Variants in TLL1 observed in about 807,000 individuals in gnomAD.
TLL1 encodes tolloid like 1, also known as tolloid-like protein 1.
A neutral mutation model predicts 128.2 loss-of-function variants in TLL1; 49 were observed. That is an observed-to-expected ratio of 0.38 (90% CI 0.30 to 0.48). TLL1 has a LOEUF of 0.48. Ranked by LOEUF, TLL1 falls within the 20% of genes least tolerant of loss-of-function variation. The probability of loss-of-function intolerance (pLI) is 0.96; values close to 1 mark genes in which losing one functional copy is unlikely to be tolerated. For missense variants in TLL1, 1,123 were observed against 1,242.0 expected, an observed-to-expected ratio of 0.90 and a Z score of 1.44; for synonymous variants, 454 against 418.8, an observed-to-expected ratio of 1.08 and a Z score of -1.03.
At chr4:165,940,915 G>T (rs1733978650) in intron 1 of TLL1, among the ~76,000 whole-genome samples, 1 of 151,912 alleles carries the variant, frequency 6.6e-6, no homozygotes, top group Non-Finnish European at 1.5e-5. Flanking sequence ...TCTACATTCT[G>T]CCATTTAGCT....
chr4:165,896,519 G>A (rs1731688558), intron 1 of TLL1, among the ~76,000 whole-genome samples: 1 of 120,920 alleles, frequency 8.3e-6, no homozygotes. Context: ...GTCTCACTCT[G>A]TCACCCAGAC....
intron 1 of TLL1, among the ~76,000 whole-genome samples, chr4:165,964,642 G>A (rs1041149730): frequency 1.4e-4 from 22 of 152,138 alleles, no homozygotes; most frequent in African/African-American, 4.3e-4. Flanking sequence ...TACAGTCAAG[G>A]CTAGGTGTGA....
intron 19 of TLL1, among the ~76,000 whole-genome samples, chr4:166,094,240 T>A (rs561586338): frequency 6.6e-6 from 1 of 152,260 alleles, no homozygotes; most frequent in South Asian, 2.1e-4. Context: ...GGTGATTAAT[T>A]TGCAGTTTCT....
rs562529165 is a variant in TLL1, at chr4:165,988,559, G to T, written c.170-822G>T. Among the ~76,000 whole-genome samples the T allele has an allele frequency of 3.9e-5, 6 of 152,140 alleles. 1 individual carries two copies. Among genetic ancestry groups the T allele is most frequent in the African/African-American group, 1.4e-4 (6 of 41,530 alleles). ...TAGGAGGACTACTAGAGTCTGGGAG[G>T]TTCAGGTTAAGTCTACAGTGAGCCG... is the stretch of plus-strand genomic sequence containing the variant. On this transcript the variant is annotated intron_variant, in intron 1 of 20. Coordinates refer to ENST00000061240, the MANE Select transcript of TLL1 (RefSeq NM_012464.5).
chr4:165,954,792 CA>C (rs753986142), intron 1 of TLL1, among the ~76,000 whole-genome samples: 5 of 151,976 alleles, frequency 3.3e-5, no homozygotes, highest in Non-Finnish European at 7.4e-5. Flanking sequence ...AATATAGAAA[CA>C]AAAAACCCCA....
chr4:165,976,964 A>G (rs1735912864), intron 1 of TLL1, among the ~76,000 whole-genome samples: 1 of 152,108 alleles, frequency 6.6e-6, no homozygotes. Flanking sequence ...AGCGTATTTT[A>G]TGTGTGACCC....
At chr4:166,030,993 G>T (rs1445124753) in intron 9 of TLL1, 1 of 953,612 alleles carries the variant, frequency 1.0e-6, no homozygotes, top group East Asian at 1.2e-4. Context: ...GTACGATTTT[G>T]CACATTAAAG....
Position 166,101,140 on chromosome 4 carries a change from C to G in TLL1, c.*264C>G. Reference sequence around the variant, plus strand: ...TATACTTCAAGGAAGACTCTACAAGCTTTTGTTCACAGCTTGAAATAGATG... The same window carrying G: ...TATACTTCAAGGAAGACTCTACAAGGTTTTGTTCACAGCTTGAAATAGATG... On this transcript the variant is annotated 3_prime_UTR_variant, in exon 21 of 21. Coordinates refer to ENST00000061240, the MANE Select transcript of TLL1 (RefSeq NM_012464.5). 1 of 422,676 alleles carries G rather than the reference C, an allele frequency of 2.4e-6. No homozygotes were observed. Among genetic ancestry groups the G allele is most frequent in the Non-Finnish European group, 4.3e-6 (1 of 230,052 alleles). 26.2% of individuals were successfully genotyped at this position (422,676 alleles called of 1,614,324 possible).
chr4:165,992,349 G>C (rs543420987), intron 2 of TLL1, among the ~76,000 whole-genome samples: 1 of 152,048 alleles, frequency 6.6e-6, no homozygotes, highest in African/African-American at 2.4e-5. Flanking sequence ...TGGAAGCTTT[G>C]GAAGAAAACA....
intron 1 of TLL1, among the ~76,000 whole-genome samples, chr4:165,880,697 C>T (rs772254069): frequency 6.6e-6 from 1 of 152,164 alleles, no homozygotes; most frequent in African/African-American, 2.4e-5. Flanking sequence ...TTACTCTCAG[C>T]ATTTTAAATA....
Position 166,065,801 on chromosome 4 carries a change from G to T in TLL1, c.2126G>T (p.Arg709Ile), listed in dbSNP as rs549848935. Residue 709 changes from arginine to isoleucine, a missense_variant, in exon 16 of 21, where the codon AGA becomes ATA. Coordinates refer to ENST00000061240, the MANE Select transcript of TLL1 (RefSeq NM_012464.5). ...EVITSQFNNM[R>I]IEFKSDNTVS... ...ATCACATCCCAGTTCAACAATATGA[G>T]AATTGAATTCAAATCTGACAATACT... 1.2e-6 allele frequency: 2 copies of T among 1,612,950 alleles called. No homozygotes were observed. Among genetic ancestry groups the T allele is most frequent in the Non-Finnish European group, 1.7e-6 (2 of 1,179,280 alleles).
At chr4:166,011,894 G>T (rs923120785) in intron 7 of TLL1, among the ~76,000 whole-genome samples, 1 of 151,332 alleles carries the variant, frequency 6.6e-6, no homozygotes, top group Admixed American at 6.6e-5. Flanking sequence ...ATGATCATAT[G>T]GTTTTTGTTC....
chr4:166,023,926 T>A (rs946791715), intron 8 of TLL1, among the ~76,000 whole-genome samples: 2 of 152,120 alleles, frequency 1.3e-5, no homozygotes, highest in African/African-American at 2.4e-5. Context: ...GTTTTTTTTT[T>A]ATAGAAACAC....
chr4:165,885,240 C>T (rs1731115395), intron 1 of TLL1, among the ~76,000 whole-genome samples: 1 of 152,042 alleles, frequency 6.6e-6, no homozygotes, highest in Non-Finnish European at 1.5e-5. Context: ...TTTTCCTGGG[C>T]CTCAGCCTCT....
chr4:165,903,443 C>T (rs1240371418), intron 1 of TLL1, among the ~76,000 whole-genome samples: 4 of 133,656 alleles, frequency 3.0e-5, no homozygotes, highest in Non-Finnish European at 6.2e-5. Context: ...GACGGAGTCT[C>T]ACTCTGTCGC....
At chr4:166,006,321 C>G (rs936142527) in intron 6 of TLL1, among the ~76,000 whole-genome samples, 1 of 151,714 alleles carries the variant, frequency 6.6e-6, no homozygotes, top group Non-Finnish European at 1.5e-5. Context: ...GTCTACTTTT[C>G]TGTTATTTGG....
At chr4:166,044,576 T>G in intron 12 of TLL1, 1 of 703,362 alleles carries the variant, frequency 1.4e-6, no homozygotes, top group Non-Finnish European at 2.2e-6. Flanking sequence ...GACCATTTTT[T>G]TTTTGTACTT....
chr4:166,014,948 G>T (rs560949788), intron 8 of TLL1, among the ~76,000 whole-genome samples: 1 of 152,002 alleles, frequency 6.6e-6, no homozygotes, highest in Non-Finnish European at 1.5e-5. Context: ...GATCCTGGAT[G>T]ATATTTTTTT....
intron 13 of TLL1, among the ~76,000 whole-genome samples, chr4:166,055,766 C>T (rs934251547): frequency 6.6e-6 from 1 of 152,088 alleles, no homozygotes; most frequent in Non-Finnish European, 1.5e-5. Flanking sequence ...TTTTGAAATG[C>T]ATAACTACAT....
Sources: gnomAD v4.1 joint callset for allele counts (sites outside exome capture counted in the v4.1 genomes callset) on GRCh38, gnomAD v4.1.1 for gene constraint, MANE v1.5 for transcripts, NCBI Gene and HGNC (gene_info 2026-07-23, HGNC 2026-07-21) for gene names.